Variants in CHD9 observed in about 807,000 individuals in gnomAD.
CHD9 encodes the protein chromodomain helicase DNA binding protein 9.
In CHD9, 77 loss-of-function variants were observed where a neutral mutation model predicts 316.1. That is an observed-to-expected ratio of 0.24 (90% CI 0.20 to 0.29). The LOEUF (loss-of-function observed/expected upper bound fraction) is 0.29, where lower values mean the gene tolerates loss of function less well. Among genes scored for constraint, CHD9 ranks in the 10% least tolerant of loss-of-function variants. The pLI, the probability that CHD9 is intolerant of heterozygous loss-of-function variation, is 1.00. For synonymous variants in CHD9, 1,129 were observed against 1,158.3 expected (o/e 0.97, Z 0.51); for missense variants, 2,763 against 3,438.1 (o/e 0.80, Z 4.91).
At chr16:53,267,565 G>T in intron 21 of CHD9, 75 bp downstream of exon 21, 1 of 1,079,392 alleles carries the variant, frequency 9.3e-7, no homozygotes, top group Non-Finnish European at 1.3e-6. Flanking sequence ...CTGGTTTTGA[G>T]TATATTTTTT....
chr16:53,085,077 T>G (rs1211208757), intron 1 of CHD9, among the ~76,000 whole-genome samples: 9 of 152,146 alleles, frequency 5.9e-5, no homozygotes, highest in Admixed American at 5.2e-4. Flanking sequence ...AAATCTTCAC[T>G]TATTTTGGAA....
intron 22 of CHD9, among the ~76,000 whole-genome samples, chr16:53,273,055 C>T (rs2052429816): frequency 1.3e-5 from 2 of 151,966 alleles, no homozygotes; most frequent in African/African-American, 4.8e-5. Context: ...CGCCACTGCA[C>T]TCCAGCCTGA....
chr16:53,189,556 TA>T (rs1220949327), intron 2 of CHD9, among the ~76,000 whole-genome samples: 2 of 151,514 alleles, frequency 1.3e-5, no homozygotes, highest in African/African-American at 4.8e-5. Context: ...GTATTATATA[TA>T]TTTTTTTTTC....
At chr16:53,280,759 A>T (rs1308009622) in intron 24 of CHD9, among the ~76,000 whole-genome samples, 3 of 152,016 alleles carry the variant, frequency 2.0e-5, no homozygotes, top group African/African-American at 7.2e-5. Context: ...AACAAAAAAG[A>T]TTGCCTACAT....
chr16:53,127,438 G>A (rs2039019181), intron 1 of CHD9, among the ~76,000 whole-genome samples: 1 of 152,194 alleles, frequency 6.6e-6, no homozygotes, highest in Admixed American at 6.5e-5. Flanking sequence ...TGCCAAATTA[G>A]TTACTAAAAT....
At chr16:53,174,649 C>G (rs555564543) in intron 2 of CHD9, among the ~76,000 whole-genome samples, 1 of 152,128 alleles carries the variant, frequency 6.6e-6, no homozygotes, top group Non-Finnish European at 1.5e-5. Context: ...CACTCTGTCA[C>G]CCAGGCTGGA....
chr16:53,069,633 A>G (rs772358950), intron 1 of CHD9, among the ~76,000 whole-genome samples: 16 of 152,228 alleles, frequency 1.1e-4, no homozygotes, highest in Non-Finnish European at 1.3e-4. Context: ...TTATCCATTC[A>G]TCTGTTGGTG....
rs1441429894 is a variant in CHD9, at chr16:53,324,046, A to T, written c.7845A>T (p.Glu2615Asp). The change falls in exon 39 of 39, where the codon GAA (glutamate) becomes GAT (aspartate). Residue 2615 changes from glutamate to aspartate, a missense_variant. Glu to Asp is a conservative substitution (Grantham distance 45). Coordinates refer to ENST00000447540, the MANE Select transcript of CHD9 (RefSeq NM_001308319.2). Reference protein sequence around the residue: ...QSGFLPESMYERILTGPVVRE... With the variant: ...QSGFLPESMYDRILTGPVVRE... ...GATTTCTTCCAGAAAGCATGTATGA[A>T]CGTATTCTCACTGGTCCCGTTGTGA... 6.2e-7 allele frequency: 1 copy of T among 1,613,212 alleles called. No individual in the cohort carries two copies. Among genetic ancestry groups the T allele is most frequent in the Non-Finnish European group, 8.5e-7 (1 of 1,179,226 alleles).
At chr16:53,131,068 G>GCCA in intron 1 of CHD9, 1 of 13,006 alleles carries the variant, frequency 7.7e-5, no homozygotes, top group Non-Finnish European at 1.7e-4. Flanking sequence ...GGTAAGTGCC[G>GCCA]CCGCCGCCGC....
At chr16:53,312,648 C>G (rs1597973724) in intron 34 of CHD9, among the ~76,000 whole-genome samples, 1 of 152,116 alleles carries the variant, frequency 6.6e-6, no homozygotes, top group Non-Finnish European at 1.5e-5. Flanking sequence ...GCATCAAAAA[C>G]AGATCTAGGG....
At chr16:53,115,075 T>G (rs1399874669) in intron 1 of CHD9, among the ~76,000 whole-genome samples, 2 of 152,250 alleles carry the variant, frequency 1.3e-5, no homozygotes, top group Non-Finnish European at 1.5e-5. Context: ...GTTAACAGAT[T>G]AACTTAGGTT....
intron 1 of CHD9, among the ~76,000 whole-genome samples, chr16:53,072,320 CTT>C (rs35193137): frequency 1.4e-5 from 2 of 143,994 alleles, no homozygotes; most frequent in Non-Finnish European, 1.5e-5. Context: ...AGCCATAAGT[CTT>C]TTTTTTTTTT....
In CHD9 at chr16:53,235,334, T is replaced by A. The variant is rs141419302; in HGVS notation, c.2633+28T>A. The A allele has an allele frequency of 8.0e-4, 1,168 of 1,459,756 alleles. 3 individuals are homozygous for A. Among genetic ancestry groups the A allele is most frequent in the African/African-American group, 5.3e-3 (369 of 69,578 alleles). The allele number at this position is 1,459,756 out of a possible 1,614,324, so 90.4% of individuals were successfully genotyped here. ...ATGTAGTATATCTTAATAAAAAAAATTTATTTTTTTAATGTGTGCCAAAAT... is the reference window on the plus strand; with the variant it reads ...ATGTAGTATATCTTAATAAAAAAAAATTATTTTTTTAATGTGTGCCAAAAT... On this transcript the variant is annotated intron_variant, in intron 11 of 38. Transcript: ENST00000447540.
Position 53,213,955 on chromosome 16 carries a change from G to T in CHD9, c.1784+4142G>T, listed in dbSNP as rs570964367. ...GTGTTACAGGAATAGTAGTTATCAG[G>T]TACTACAAATAACTTCTAGTTAAAA... On this transcript the variant is annotated intron_variant, in intron 3 of 38. Transcript: ENST00000447540. Among the ~76,000 whole-genome samples the T allele has an allele frequency of 4.7e-4, 72 of 152,082 alleles. 2 individuals carry two copies. In the South Asian group the frequency reaches 0.013, roughly 28 times the overall value.
intron 19 of CHD9, among the ~76,000 whole-genome samples, chr16:53,256,381 CTTTTTTT>C (rs1163977563): frequency 4.0e-5 from 4 of 99,260 alleles, no homozygotes; most frequent in Admixed American, 1.1e-4. Context: ...TTTTTCTTTT[CTTTTTTT>C]TTTTTTTTTT....
chr16:53,231,569 C>A, intron 9 of CHD9, 64 bp downstream of exon 9: 1 of 1,373,342 alleles, frequency 7.3e-7, no homozygotes, highest in Non-Finnish European at 1.0e-6. Context: ...GTATTAAGAC[C>A]TAGTACTTTA....
At chr16:53,249,230 A>G (rs1457854666) in intron 16 of CHD9, among the ~76,000 whole-genome samples, 2 of 152,180 alleles carry the variant, frequency 1.3e-5, no homozygotes, top group East Asian at 3.8e-4. Flanking sequence ...AAACTCTAGT[A>G]AATCATATGT....
intron 2 of CHD9, among the ~76,000 whole-genome samples, chr16:53,183,121 T>C (rs1360174098): frequency 6.6e-6 from 1 of 152,322 alleles, no homozygotes; most frequent in East Asian, 1.9e-4. Context: ...AACATTAATT[T>C]ATATGTTGGT....
At chr16:53,094,985 A>C (rs9932318) in intron 1 of CHD9, among the ~76,000 whole-genome samples, 117,637 of 151,960 alleles carry the variant, frequency 0.77, 45,778 homozygotes, top group East Asian at 0.82. Flanking sequence ...TATTCACAAT[A>C]TTTGACTCAT....
Sources: gnomAD v4.1 joint callset for allele counts (sites outside exome capture counted in the v4.1 genomes callset) on GRCh38, gnomAD v4.1.1 for gene constraint, MANE v1.5 for transcripts, NCBI Gene and HGNC (gene_info 2026-07-23, HGNC 2026-07-21) for gene names.